The following GSTO2 variants were observed in gnomAD, a reference collection of about 807,000 sequenced individuals.
GSTO2 encodes glutathione S-transferase omega 2, also known as glutathione S-transferase omega-2.
GSTO2 carries 23 observed loss-of-function variants against 28.4 expected under a neutral mutation model. The ratio of observed to expected loss-of-function variants is 0.81; its 90% CI spans 0.58 to 1.15. The LOEUF is 1.15. Among genes scored for constraint, GSTO2 ranks in the 50% most tolerant of loss-of-function variants. The pLI is 0.00. For missense variants in GSTO2, 298 were observed against 297.8 expected, an observed-to-expected ratio of 1.00 and a Z score of 0.00; for synonymous variants, 109 against 111.0, an observed-to-expected ratio of 0.98 and a Z score of 0.11.
chr10:104,277,581 C>T (rs115241638), intron 3 of GSTO2, among the ~76,000 whole-genome samples: 97 of 152,228 alleles, frequency 6.4e-4, no homozygotes, highest in African/African-American at 2.0e-3. Context: ...GCACCGCGCC[C>T]GGCCAGCTCT....
At chr10:104,278,223 A>G (rs1343092986) in intron 4 of GSTO2, 107 bp downstream of exon 4, 1 of 797,190 alleles carries the variant, frequency 1.3e-6, no homozygotes, top group Non-Finnish European at 2.1e-6. Flanking sequence ...TTTTGTTTTG[A>G]TACCATGTGA....
chr10:104,294,717 T>G (rs935485407), intron 5 of GSTO2, among the ~76,000 whole-genome samples: 1 of 152,236 alleles, frequency 6.6e-6, no homozygotes, highest in East Asian at 1.9e-4. Context: ...CATTTATTCC[T>G]AATGCTCATC....
chr10:104,290,805 A>G (rs995452796), intron 5 of GSTO2, among the ~76,000 whole-genome samples: 60 of 152,208 alleles, frequency 3.9e-4, no homozygotes, highest in African/African-American at 1.4e-3. Context: ...AAACAGAAAG[A>G]ATGAATAAGA....
chr10:104,292,828 T>C (rs969804081), intron 5 of GSTO2, among the ~76,000 whole-genome samples: 1 of 152,198 alleles, frequency 6.6e-6, no homozygotes, highest in African/African-American at 2.4e-5. Flanking sequence ...GGATTGGATA[T>C]TAACATAACT....
At chr10:104,289,247 A>C (rs2012637129) in intron 5 of GSTO2, among the ~76,000 whole-genome samples, 1 of 152,040 alleles carries the variant, frequency 6.6e-6, no homozygotes, top group African/African-American at 2.4e-5. Context: ...TACAGGCACC[A>C]CTATGCCTGG....
intron 6 of GSTO2, among the ~76,000 whole-genome samples, chr10:104,298,498 A>G (rs1034035626): frequency 3.9e-5 from 6 of 152,258 alleles, no homozygotes; most frequent in Non-Finnish European, 8.8e-5. Flanking sequence ...AAAAGGCTGT[A>G]TCCTCTGAAG....
intron 6 of GSTO2, 125 bp downstream of exon 6, chr10:104,297,809 C>T: frequency 3.2e-6 from 2 of 633,184 alleles, no homozygotes; most frequent in Non-Finnish European, 5.7e-6. Context: ...GGTTTCTAAA[C>T]CGCAGTGTGT....
At chr10:104,293,585 T>TTTTTTTTTTTTTTTTTTTTTG in intron 5 of GSTO2, among the ~76,000 whole-genome samples, 1 of 145,538 alleles carries the variant, frequency 6.9e-6, no homozygotes, top group African/African-American at 2.6e-5. Context: ...TTTTTTTTTT[T>TTTTTTTTTTTTTTTTTTTTTG]GCGACAAGGT....
At chr10:104,284,663 T>G (rs2012306495) in intron 5 of GSTO2, among the ~76,000 whole-genome samples, 1 of 152,226 alleles carries the variant, frequency 6.6e-6, no homozygotes, top group Non-Finnish European at 1.5e-5. Context: ...GACTTTCCCA[T>G]TTCAGAATGG....
At chr10:104,280,409 AC>A (rs1174880299) in intron 5 of GSTO2, among the ~76,000 whole-genome samples, 1 of 152,176 alleles carries the variant, frequency 6.6e-6, no homozygotes, top group African/African-American at 2.4e-5. Context: ...AAATGGTCAT[AC>A]CCCTTTAAAG....
At chr10:104,288,183 C>T (rs933636445) in intron 5 of GSTO2, among the ~76,000 whole-genome samples, 3 of 152,182 alleles carry the variant, frequency 2.0e-5, no homozygotes, top group Non-Finnish European at 2.9e-5. Flanking sequence ...AGCCACCTCA[C>T]CCGGCCGAAA....
chr10:104,278,838 T>G (rs2011818509), intron 4 of GSTO2, among the ~76,000 whole-genome samples: 1 of 152,140 alleles, frequency 6.6e-6, no homozygotes, highest in Non-Finnish European at 1.5e-5. Flanking sequence ...GAAGAATAGA[T>G]AAATGGTGGC....
chr10:104,281,197 TC>T (rs1285959600), intron 5 of GSTO2, among the ~76,000 whole-genome samples: 3 of 152,186 alleles, frequency 2.0e-5, no homozygotes, highest in Non-Finnish European at 2.9e-5. Context: ...TTTACTTAGG[TC>T]AGCACTGCCT....
At chr10:104,287,638 G>T (rs1411015254) in intron 5 of GSTO2, among the ~76,000 whole-genome samples, 1 of 152,130 alleles carries the variant, frequency 6.6e-6, no homozygotes, top group Non-Finnish European at 1.5e-5. Context: ...ACTGAACCAT[G>T]CAGGTGTGCA....
chr10:104,289,512 G>A (rs1168160607), intron 5 of GSTO2, among the ~76,000 whole-genome samples: 1 of 152,186 alleles, frequency 6.6e-6, no homozygotes, highest in African/African-American at 2.4e-5. Context: ...CCTTCATGGA[G>A]AATCTAGGTC....
In GSTO2 at chr10:104,274,730, T is replaced by G; in HGVS notation, c.-186T>G. ...AATCTGGGGCGATGTCTCCCCAGGT[T>G]AAATTACCCTAGCTCCTGCTCCAGA... On this transcript the variant is annotated 5_prime_UTR_variant, in exon 2 of 7. Coordinates refer to ENST00000338595, the MANE Select transcript of GSTO2 (RefSeq NM_183239.2). The G allele has an allele frequency of 1.5e-6, 1 of 678,580 alleles. No homozygotes were observed. Among genetic ancestry groups the G allele is most frequent in the Non-Finnish European group, 2.5e-6 (1 of 402,878 alleles). The allele number at this position is 678,580 out of a possible 1,614,324, so 42.0% of individuals were successfully genotyped here.
Position 104,297,592 on chromosome 10 carries a change from G to C in GSTO2, c.483G>C (p.Gln161His). ...TCCATTTTTAGATTCTTGAGTATCAGAACACCACCTTCTTTGGTGGAACCT... is the reference window on the plus strand; with the variant it reads ...TCCATTTTTAGATTCTTGAGTATCACAACACCACCTTCTTTGGTGGAACCT... The part of the protein sequence containing the change: ...FSNLEEILEY[Q>H]NTTFFGGTCI... Residue 161 changes from glutamine (Q) to histidine (H), a missense_variant, in exon 6 of 7, where the codon CAG becomes CAC. Physicochemically the swap from Gln to His is conservative, Grantham distance 24. Coordinates refer to ENST00000338595, the MANE Select transcript of GSTO2 (RefSeq NM_183239.2). The C allele has an allele frequency of 6.2e-7, 1 of 1,612,230 alleles. No individual in the cohort carries two copies. The highest frequency in any genetic ancestry group is 8.5e-7 in the Non-Finnish European group (1 of 1,178,532).
At chr10:104,286,204 GTT>G (rs35528873) in intron 5 of GSTO2, among the ~76,000 whole-genome samples, 5 of 151,742 alleles carry the variant, frequency 3.3e-5, no homozygotes, top group African/African-American at 1.2e-4. Context: ...ATTTCAGAGC[GTT>G]TTTTTTATCA....
rs935333448 is a variant in GSTO2 at position 104,300,996 on chromosome 10, G to T, written c.*1712G>T. On this transcript the variant is annotated 3_prime_UTR_variant, in exon 7 of 7. Transcript: ENST00000338595. ...GGCCAGAACTTCCAGAAGAGGCAGC[G>T]CATGACAGGGGCAGTCTGCCGCACC... 2 of 152,332 alleles carry T rather than the reference G, an allele frequency of 1.3e-5. No individual in the cohort carries two copies. The highest frequency in any genetic ancestry group is 2.9e-5 in the Non-Finnish European group (2 of 68,138). 9.4% of individuals were successfully genotyped at this position (152,332 alleles called of 1,614,324 possible). A position where few individuals can be genotyped will look rare whatever the true frequency, so the allele number is the denominator to read the frequency against.
Sources: allele counts gnomAD v4.1 joint callset (sites outside exome capture counted in the v4.1 genomes callset), GRCh38; gene constraint gnomAD v4.1.1; transcripts MANE v1.5; gene names NCBI Gene and HGNC (gene_info 2026-07-23, HGNC 2026-07-21).